The following SLC39A11 variants were observed in gnomAD, a reference collection of about 807,000 sequenced individuals.
SLC39A11 encodes solute carrier family 39 member 11, also known as zinc transporter ZIP11.
A neutral mutation model predicts 36.1 loss-of-function variants in SLC39A11; 33 were observed. The observed-to-expected ratio is 0.91, with a 90% CI of 0.69 to 1.22. SLC39A11 has a LOEUF of 1.22. SLC39A11 is among the 50% of genes most tolerant of loss of function. The pLI is 0.00. For synonymous variants in SLC39A11, 166 were observed against 170.3 expected (o/e 0.97, Z 0.20); for missense variants, 432 against 430.3 (o/e 1.00, Z -0.03).
chr17:72,658,240 T>C (rs1255795779), intron 7 of SLC39A11, among the ~76,000 whole-genome samples: 2 of 152,152 alleles, frequency 1.3e-5, no homozygotes, highest in Non-Finnish European at 2.9e-5. Context: ...ATTCATGGGC[T>C]TGGCCTCTCC....
intron 7 of SLC39A11, among the ~76,000 whole-genome samples, chr17:72,687,412 T>C (rs12450142): frequency 0.16 from 24,753 of 152,082 alleles, 2,754 homozygotes; most frequent in East Asian, 0.41. Flanking sequence ...CCCAGCTAAT[T>C]TTTTGTATTT....
At chr17:72,894,386 AAG>A (rs1342214782) in intron 5 of SLC39A11, among the ~76,000 whole-genome samples, 254 of 117,910 alleles carry the variant, frequency 2.2e-3, no homozygotes, top group Non-Finnish European at 3.6e-3. Context: ...AAAAAAAAAA[AAG>A]GCCAGGGACG....
At chr17:72,649,087 G>A in intron 8 of SLC39A11, 83 bp downstream of exon 8, 1 of 1,547,742 alleles carries the variant, frequency 6.5e-7, no homozygotes, top group African/African-American at 1.4e-5. Flanking sequence ...GAGCATGGCA[G>A]TGCAAAAGCA....
intron 4 of SLC39A11, among the ~76,000 whole-genome samples, chr17:73,012,823 C>T (rs553811782): frequency 6.6e-6 from 1 of 152,028 alleles, no homozygotes; most frequent in South Asian, 2.1e-4. Context: ...TTTAGAGACA[C>T]AGTCTCACTC....
intron 4 of SLC39A11, among the ~76,000 whole-genome samples, chr17:72,967,391 AGAGAGAGAGT>A (rs1004659672): frequency 2.3e-4 from 33 of 144,658 alleles, no homozygotes; most frequent in African/African-American, 8.9e-4. Context: ...AGAGAGAGAG[AGAGAGAGAGT>A]GTGTGTGTGT....
At chr17:72,909,871 G>A (rs570668218) in intron 5 of SLC39A11, among the ~76,000 whole-genome samples, 9 of 150,986 alleles carry the variant, frequency 6.0e-5, no homozygotes, top group African/African-American at 9.7e-5. Flanking sequence ...TCAGCCTCCC[G>A]AGTAGCTGGG....
chr17:72,698,114 G>C (rs1488187893), intron 7 of SLC39A11, among the ~76,000 whole-genome samples: 1 of 152,206 alleles, frequency 6.6e-6, no homozygotes, highest in Non-Finnish European at 1.5e-5. Flanking sequence ...ATCATAGCTG[G>C]CTGGAGGTGG....
intron 7 of SLC39A11, among the ~76,000 whole-genome samples, chr17:72,658,689 C>G (rs1049655508): frequency 1.3e-5 from 2 of 152,196 alleles, no homozygotes; most frequent in Non-Finnish European, 2.9e-5. Flanking sequence ...GCCAGTCAAA[C>G]ATATGAGTCA....
intron 7 of SLC39A11, among the ~76,000 whole-genome samples, chr17:72,661,430 G>T (rs550836881): frequency 1.3e-5 from 2 of 152,186 alleles, no homozygotes; most frequent in South Asian, 2.1e-4. Flanking sequence ...TTCCCTGGCC[G>T]GTTGATTATG....
rs189408916 is a variant in SLC39A11, at chr17:72,678,578, G to A, written c.672-29310C>T. ...AAATTAGCCCGGCATGGTGGCGTGC[G>A]CCTGTAATCCCAGCTACTCGGGAGG... On this transcript the variant is annotated intron_variant, in intron 7 of 9. Transcript: ENST00000255559. Among the ~76,000 whole-genome samples the A allele has an allele frequency of 1.9e-3, 288 of 152,082 alleles. 1 individual carries two copies. The highest frequency in any genetic ancestry group is 6.7e-3 in the Admixed American group (103 of 15,278).
At chr17:72,696,306 T>C (rs1461536333) in intron 7 of SLC39A11, among the ~76,000 whole-genome samples, 4 of 152,108 alleles carry the variant, frequency 2.6e-5, no homozygotes, top group Non-Finnish European at 5.9e-5. Context: ...CTCCTTCCCC[T>C]GTCCTCCACC....
intron 7 of SLC39A11, among the ~76,000 whole-genome samples, chr17:72,688,307 C>T (rs528428200): frequency 2.6e-5 from 4 of 152,360 alleles, no homozygotes; most frequent in East Asian, 1.9e-4. Flanking sequence ...TGCCAGGCTA[C>T]GAGGGGGCCC....
At chr17:73,078,990 C>CA (rs2060424375) in intron 3 of SLC39A11, among the ~76,000 whole-genome samples, 3 of 152,130 alleles carry the variant, frequency 2.0e-5, no homozygotes, top group Non-Finnish European at 4.4e-5. Flanking sequence ...TTTCAAAAGC[C>CA]AAAAAATTTA....
At position 72,798,563 on chromosome 17, in the gene SLC39A11, A is replaced by G. The variant is rs374761292; in HGVS notation, c.601+51071T>C. On this transcript the variant is annotated intron_variant, in intron 6 of 9. Transcript: ENST00000255559. ...CGAGTAGCTGGGATTACAGGCACCC[A>G]CCACCATGCAGGGGTTTCACCACGT... Among the ~76,000 whole-genome samples, 22 of 151,806 alleles carry G rather than the reference A, an allele frequency of 1.4e-4. No homozygotes were observed. The East Asian group carries it at 4.1e-3, about 28-fold the overall frequency.
At chr17:72,755,575 T>TGCC (rs1447682623) in intron 6 of SLC39A11, among the ~76,000 whole-genome samples, 1 of 152,254 alleles carries the variant, frequency 6.6e-6, no homozygotes, top group Non-Finnish European at 1.5e-5. Flanking sequence ...AAACACTTGG[T>TGCC]AAATTTAAAG....
intron 6 of SLC39A11, among the ~76,000 whole-genome samples, chr17:72,749,506 T>A (rs778888406): frequency 2.0e-4 from 30 of 152,176 alleles, no homozygotes; most frequent in Non-Finnish European, 3.7e-4. Flanking sequence ...CCTAAGCAGC[T>A]CTGTAAATAT....
intron 6 of SLC39A11, among the ~76,000 whole-genome samples, chr17:72,843,471 C>T (rs553392487): frequency 1.3e-5 from 2 of 152,072 alleles, no homozygotes; most frequent in South Asian, 2.1e-4. Flanking sequence ...GTGATTAGGT[C>T]GTGAGATGGA....
At chr17:72,878,859 C>G (rs2081051635) in intron 5 of SLC39A11, among the ~76,000 whole-genome samples, 1 of 152,168 alleles carries the variant, frequency 6.6e-6, no homozygotes. Flanking sequence ...AAAAGACTGC[C>G]CATACTTCAG....
chr17:73,071,485 C>G (rs1297095610), intron 3 of SLC39A11, among the ~76,000 whole-genome samples: 1 of 152,218 alleles, frequency 6.6e-6, no homozygotes, highest in Non-Finnish European at 1.5e-5. Flanking sequence ...GGGTCCACCA[C>G]AAAGTGGTGA....
Sources: gnomAD v4.1 joint callset for allele counts (sites outside exome capture counted in the v4.1 genomes callset) on GRCh38, gnomAD v4.1.1 for gene constraint, MANE v1.5 for transcripts, NCBI Gene and HGNC (gene_info 2026-07-23, HGNC 2026-07-21) for gene names.